The following ARMH1 variants were observed in gnomAD, a reference collection of about 807,000 sequenced individuals.
ARMH1 encodes the protein armadillo like helical domain containing 1.
ARMH1 carries 34 observed loss-of-function variants against 50.2 expected under a neutral mutation model. That is an observed-to-expected ratio of 0.68 (90% confidence interval 0.51 to 0.90). ARMH1 has a LOEUF of 0.90. ARMH1 is among the 40% of genes least tolerant of loss of function. The pLI, the probability that ARMH1 is intolerant of heterozygous loss-of-function variation, is 0.00. For synonymous variants in ARMH1, 221 were observed against 224.2 expected (o/e 0.99, Z 0.13); for missense variants, 538 against 553.9 (o/e 0.97, Z 0.29).
At chr1:44,687,828 A>G (rs973971237) in intron 1 of ARMH1, among the ~76,000 whole-genome samples, 24 of 152,322 alleles carry the variant, frequency 1.6e-4, no homozygotes, top group African/African-American at 5.3e-4. Flanking sequence ...CAAAGAAGAT[A>G]GGGGAGACTG....
At position 44,700,476 on chromosome 1, in the gene ARMH1, C is replaced by A. The variant is rs1000236594; in HGVS notation, c.443-447C>A. On this transcript the variant is annotated intron_variant, in intron 4 of 11. Coordinates refer to ENST00000535358, the MANE Select transcript of ARMH1 (RefSeq NM_001145636.2). ...ATTAAAAATACAAAAATTAGCCAGG[C>A]CTGGTGGCACACACCTGTAGTCCCA... Among the ~76,000 whole-genome samples the A allele has an allele frequency of 3.3e-5, 5 of 151,918 alleles. 1 individual carries two copies. In the South Asian group the frequency reaches 1.0e-3, roughly 32 times the overall value.
At chr1:44,680,031 G>A (rs1338203955) in intron 1 of ARMH1, among the ~76,000 whole-genome samples, 1 of 152,228 alleles carries the variant, frequency 6.6e-6, no homozygotes, top group East Asian at 1.9e-4. Context: ...TTTGCCAAAG[G>A]GCAAAAAGGA....
At chr1:44,677,090 T>C (rs1229114990) in intron 1 of ARMH1, among the ~76,000 whole-genome samples, 1 of 152,162 alleles carries the variant, frequency 6.6e-6, no homozygotes, top group Non-Finnish European at 1.5e-5. Context: ...CCATTTTCTC[T>C]GTCAAATAAG....
intron 6 of ARMH1, among the ~76,000 whole-genome samples, chr1:44,716,430 A>T (rs1250584633): frequency 6.6e-6 from 1 of 152,186 alleles, no homozygotes. Flanking sequence ...CTATAGCTCT[A>T]GACCTGTGTG....
intron 6 of ARMH1, among the ~76,000 whole-genome samples, chr1:44,717,257 G>A (rs1249534066): frequency 1.3e-5 from 2 of 152,204 alleles, no homozygotes; most frequent in Non-Finnish European, 2.9e-5. Flanking sequence ...GCTGTATCGG[G>A]TTGTTGGCAC....
chr1:44,705,130 C>T (rs1363845740), intron 6 of ARMH1, among the ~76,000 whole-genome samples: 11 of 152,150 alleles, frequency 7.2e-5, no homozygotes, highest in African/African-American at 2.2e-4. Context: ...CCACCGCACC[C>T]GGCCTATTTA....
chr1:44,713,496 G>A (rs1027328142), intron 6 of ARMH1, among the ~76,000 whole-genome samples: 1 of 152,260 alleles, frequency 6.6e-6, no homozygotes, highest in Middle Eastern at 3.4e-3. Context: ...ACAGCAGTCA[G>A]AAGGCTCTGA....
chr1:44,710,240 G>A (rs1016544475), intron 6 of ARMH1, among the ~76,000 whole-genome samples: 1 of 152,024 alleles, frequency 6.6e-6, no homozygotes, highest in Non-Finnish European at 1.5e-5. Flanking sequence ...GAACCTCATT[G>A]TTAGTTTCCT....
intron 6 of ARMH1, among the ~76,000 whole-genome samples, chr1:44,720,662 G>A (rs1328753441): frequency 6.6e-6 from 1 of 152,220 alleles, no homozygotes; most frequent in Non-Finnish European, 1.5e-5. Flanking sequence ...TGAAGGCAGA[G>A]GAGAGCAGGC....
chr1:44,721,759 A>G (rs186442558), intron 6 of ARMH1: 155 of 152,294 alleles, frequency 1.0e-3, no homozygotes, highest in African/African-American at 3.5e-3. Flanking sequence ...CCCCACCCAC[A>G]CGTCTCTCTT....
At chr1:44,688,392 C>T (rs1044813161) in intron 1 of ARMH1, 3 of 152,100 alleles carry the variant, frequency 2.0e-5, no homozygotes, top group African/African-American at 7.2e-5. Flanking sequence ...ATAGCTGGGC[C>T]CCATCAATAT....
At chr1:44,720,765 G>A (rs998191140) in intron 6 of ARMH1, among the ~76,000 whole-genome samples, 9 of 152,152 alleles carry the variant, frequency 5.9e-5, no homozygotes. Flanking sequence ...GCCGGGCGTG[G>A]TGGCTCACAC....
intron 4 of ARMH1, among the ~76,000 whole-genome samples, chr1:44,698,964 T>A (rs1645927514): frequency 6.6e-6 from 1 of 151,358 alleles, no homozygotes; most frequent in African/African-American, 2.4e-5. Context: ...CTGGCCAACA[T>A]GGCAAAACCC....
At chr1:44,699,379 A>G (rs1645954273) in intron 4 of ARMH1, among the ~76,000 whole-genome samples, 1 of 152,216 alleles carries the variant, frequency 6.6e-6, no homozygotes, top group East Asian at 1.9e-4. Context: ...CTAGGGATAC[A>G]AAAATGAATA....
rs772595851 is a variant in ARMH1, at chr1:44,698,186, G to A, written c.399G>A (p.Ala133=). Residue 133 remains alanine (A), a synonymous_variant, in exon 4 of 12, where the codon GCG becomes GCA. Coordinates refer to ENST00000535358, the MANE Select transcript of ARMH1 (RefSeq NM_001145636.2). ...KESVKLLQVI[A]NSGRTYKELI... The stretch of plus-strand genomic sequence containing the variant: ...CTGTCAAACTACTTCAGGTTATTGC[G>A]AACTCTGGCAGGACATACAAGGAAC... 103 of 1,552,292 alleles carry A rather than the reference G, an allele frequency of 6.6e-5. No homozygotes were observed. Among genetic ancestry groups the A allele is most frequent in the South Asian group, 6.2e-4 (52 of 84,048 alleles).
At chr1:44,719,384 C>A (rs2148764485) in intron 6 of ARMH1, among the ~76,000 whole-genome samples, 1 of 152,304 alleles carries the variant, frequency 6.6e-6, no homozygotes, top group South Asian at 2.1e-4. Flanking sequence ...AGTAGCCTTT[C>A]CATGCCTTTC....
At chr1:44,718,879 G>A (rs1226109986) in intron 6 of ARMH1, among the ~76,000 whole-genome samples, 1 of 152,034 alleles carries the variant, frequency 6.6e-6, no homozygotes, top group Non-Finnish European at 1.5e-5. Context: ...CAAAAAATTA[G>A]CTGGCCAGTG....
chr1:44,694,370 CA>C (rs1297565042), intron 2 of ARMH1, among the ~76,000 whole-genome samples: 3 of 152,076 alleles, frequency 2.0e-5, no homozygotes, highest in Non-Finnish European at 2.9e-5. Flanking sequence ...TTATTTTTTG[CA>C]AAATTGACTA....
chr1:44,700,066 G>C (rs147440642), intron 4 of ARMH1, among the ~76,000 whole-genome samples: 2,562 of 152,130 alleles, frequency 0.017, 71 homozygotes, highest in African/African-American at 0.056. Flanking sequence ...CTGAACTCAA[G>C]CCATCCACCT....
Sources: gnomAD v4.1 joint callset for allele counts (sites outside exome capture counted in the v4.1 genomes callset) on GRCh38, gnomAD v4.1.1 for gene constraint, MANE v1.5 for transcripts, NCBI Gene and HGNC (gene_info 2026-07-23, HGNC 2026-07-21) for gene names.